SLC5A3: variants seen among roughly 807,000 people sequenced by gnomAD.
The protein encoded by SLC5A3 is sodium/myo-inositol cotransporter.
In SLC5A3, 10 loss-of-function variants were observed where a neutral mutation model predicts 43.2. That is an observed-to-expected ratio of 0.23 (90% confidence interval 0.14 to 0.39). The LOEUF is 0.39. Among genes scored for constraint, SLC5A3 ranks in the 10% least tolerant of loss-of-function variants. The probability of loss-of-function intolerance (pLI) is 1.00; values close to 1 mark genes in which losing one functional copy is unlikely to be tolerated. For missense variants in SLC5A3, 608 were observed against 893.4 expected, an observed-to-expected ratio of 0.68 and a Z score of 4.07; for synonymous variants, 349 against 322.0, an observed-to-expected ratio of 1.08 and a Z score of -0.90.
At position 34,101,868 on chromosome 21, in the gene SLC5A3, A is replaced by G. The variant is rs1387175581; in HGVS notation, c.*4513A>G. The G allele has an allele frequency of 1.0e-6, 1 of 999,994 alleles. No homozygotes were observed. The highest frequency in any genetic ancestry group is 1.7e-5 in the African/African-American group (1 of 57,208). The allele number at this position is 999,994 out of a possible 1,614,324, so 61.9% of individuals were successfully genotyped here. ...TTTTATTCTCAAAACTCCTTTTTCA[A>G]AAATTAGGGAGAGAGCAGTAGTGAT... is the stretch of plus-strand genomic sequence containing the variant. On this transcript the variant is annotated 3_prime_UTR_variant, in exon 2 of 2. Coordinates refer to ENST00000381151, the MANE Select transcript of SLC5A3 (RefSeq NM_006933.7).
chr21:34,085,600 C>CTTT (rs56135810), intron 1 of SLC5A3, among the ~76,000 whole-genome samples: 13 of 130,266 alleles, frequency 1.0e-4, no homozygotes, highest in African/African-American at 2.3e-4. Flanking sequence ...GAAATAAGGA[C>CTTT]TTTTTTTTTT....
chr21:34,095,255 G>A lies in SLC5A3; in HGVS notation c.57G>A (p.Leu19=), dbSNP rs760177734. ...DIAIVALYFI[L]VMCIGFFAMW... ...CCATAGTGGCCCTGTATTTTATCCTGGTCATGTGCATTGGTTTTTTTGCCA... is the reference window on the plus strand; with the variant it reads ...CCATAGTGGCCCTGTATTTTATCCTAGTCATGTGCATTGGTTTTTTTGCCA... Residue 19 remains leucine (L), a synonymous_variant, in exon 2 of 2, where the codon CTG becomes CTA. Coordinates refer to ENST00000381151, the MANE Select transcript of SLC5A3 (RefSeq NM_006933.7). 6.2e-7 allele frequency: 1 copy of A among 1,613,918 alleles called. No individual in the cohort carries two copies. Among genetic ancestry groups the A allele is most frequent in the Non-Finnish European group, 8.5e-7 (1 of 1,179,942 alleles).
At position 34,095,354 on chromosome 21, in the gene SLC5A3, T is replaced by C. The variant is rs1978919382; in HGVS notation, c.156T>C (p.Gly52=). The change falls in exon 2 of 2, where the codon GGT becomes GGC. Residue 52 remains glycine, a synonymous_variant. Coordinates refer to ENST00000381151, the MANE Select transcript of SLC5A3 (RefSeq NM_006933.7). ...AGRSMTWVAI[G]ASLFVSNIGS... ...GCTCTATGACCTGGGTAGCAATTGG[T>C]GCCTCTCTGTTTGTGAGCAATATTG... The C allele has an allele frequency of 6.2e-7, 1 of 1,614,018 alleles. No individual in the cohort carries two copies. The highest frequency in any genetic ancestry group is 8.5e-7 in the Non-Finnish European group (1 of 1,179,994).
In SLC5A3 at chr21:34,103,536, T is replaced by A. The variant is rs1428397015; in HGVS notation, c.*6181T>A. The A allele has an allele frequency of 1.3e-5, 13 of 1,000,150 alleles. No homozygotes were observed. Among genetic ancestry groups the A allele is most frequent in the African/African-American group, 1.7e-5 (1 of 57,366 alleles). 62.0% of individuals were successfully genotyped at this position (1,000,150 alleles called of 1,614,324 possible). A position where few individuals can be genotyped will look rare whatever the true frequency, so the allele number is the denominator to read the frequency against. ...CGAGAACAGGTACGTGACAACAGTT[T>A]ATATTCCATGATAGAAAGCTAAAGT... is the stretch of plus-strand genomic sequence containing the variant. On this transcript the variant is annotated 3_prime_UTR_variant, in exon 2 of 2. Coordinates refer to ENST00000381151, the MANE Select transcript of SLC5A3 (RefSeq NM_006933.7).
chr21:34,093,045 C>T (rs923483894), intron 1 of SLC5A3, among the ~76,000 whole-genome samples: 5 of 152,092 alleles, frequency 3.3e-5, no homozygotes, highest in East Asian at 1.9e-4. Context: ...AAACATTTAA[C>T]GATACCTTTT....
At chr21:34,089,991 T>A (rs749705945) in intron 1 of SLC5A3, among the ~76,000 whole-genome samples, 4 of 152,206 alleles carry the variant, frequency 2.6e-5, no homozygotes, top group Admixed American at 6.5e-5. Context: ...GCATATTACT[T>A]GGTGGCTGAG....
Position 34,098,611 on chromosome 21 carries a change from T to C in SLC5A3, c.*1256T>C, listed in dbSNP as rs1979082905. ...CTTTGCTGTTGTTAGGTTGTCAATA[T>C]AGTCTTTCTGTAGGATGGATAGCAT... On this transcript the variant is annotated 3_prime_UTR_variant, in exon 2 of 2. Coordinates refer to ENST00000381151, the MANE Select transcript of SLC5A3 (RefSeq NM_006933.7). 2 of 1,000,306 alleles carry C rather than the reference T, an allele frequency of 2.0e-6. No individual in the cohort carries two copies. Among genetic ancestry groups the C allele is most frequent in the Non-Finnish European group, 2.4e-6 (2 of 830,012 alleles). The allele number at this position is 1,000,306 out of a possible 1,614,324, so 62.0% of individuals were successfully genotyped here.
Position 34,100,772 on chromosome 21 carries a change from T to C in SLC5A3, c.*3417T>C. On this transcript the variant is annotated 3_prime_UTR_variant, in exon 2 of 2. Transcript: ENST00000381151. ...TATTCGCAGTCCATGGCTCATTTTC[T>C]TTATAGTAGGCATATGGATCTTCCC... 1 of 1,000,232 alleles carries C rather than the reference T, an allele frequency of 1.0e-6. No individual in the cohort carries two copies. Among genetic ancestry groups the C allele is most frequent in the Non-Finnish European group, 1.2e-6 (1 of 829,954 alleles). The allele number at this position is 1,000,232 out of a possible 1,614,324, so 62.0% of individuals were successfully genotyped here.
intron 1 of SLC5A3, among the ~76,000 whole-genome samples, chr21:34,089,002 TA>T (rs898150038): frequency 1.3e-5 from 2 of 152,176 alleles, no homozygotes; most frequent in Non-Finnish European, 2.9e-5. Flanking sequence ...GATTACATAG[TA>T]ATAGGCATTG....
intron 1 of SLC5A3, among the ~76,000 whole-genome samples, chr21:34,085,328 C>G (rs1475721277): frequency 6.6e-6 from 1 of 152,088 alleles, no homozygotes; most frequent in African/African-American, 2.4e-5. Flanking sequence ...ATAGGGATGT[C>G]AATGCATCAC....
Position 34,100,432 on chromosome 21 carries a change from T to C in SLC5A3, c.*3077T>C, listed in dbSNP as rs1602935532. The C allele has an allele frequency of 2.0e-6, 2 of 1,000,280 alleles. No individual in the cohort carries two copies. The highest frequency in any genetic ancestry group is 2.4e-6 in the Non-Finnish European group (2 of 829,994). 62.0% of individuals were successfully genotyped at this position (1,000,280 alleles called of 1,614,324 possible). A position where few individuals can be genotyped will look rare whatever the true frequency, so the allele number is the denominator to read the frequency against. ...AGCTATTCTTTCCTGGGGGTAATTA[T>C]GCTTTGTCTTTAGATTAGAGAAGCA... On this transcript the variant is annotated 3_prime_UTR_variant, in exon 2 of 2. Transcript: ENST00000381151.
chr21:34,092,837 T>G (rs1409445843), intron 1 of SLC5A3, among the ~76,000 whole-genome samples: 1 of 152,180 alleles, frequency 6.6e-6, no homozygotes. Context: ...AGCACGTGGT[T>G]GCTACTGCCA....
At chr21:34,075,086 A>G (rs536973138) in intron 1 of SLC5A3, among the ~76,000 whole-genome samples, 38 of 152,382 alleles carry the variant, frequency 2.5e-4, no homozygotes, top group African/African-American at 8.9e-4. Flanking sequence ...CCGAAAGGAT[A>G]GGAGCAGTGA....
In SLC5A3 at chr21:34,098,829, A is replaced by G; in HGVS notation, c.*1474A>G. 1 of 999,902 alleles carries G rather than the reference A, an allele frequency of 1.0e-6. No homozygotes were observed. Among genetic ancestry groups the G allele is most frequent in the Non-Finnish European group, 1.2e-6 (1 of 829,674 alleles). The allele number at this position is 999,902 out of a possible 1,614,324, so 61.9% of individuals were successfully genotyped here. On this transcript the variant is annotated 3_prime_UTR_variant, in exon 2 of 2. Transcript: ENST00000381151. ...ACTTCTGTGTCTTCGTATGCTCAAC[A>G]CTGTCCTTTGTCCTCCATGAAAGAT...
intron 1 of SLC5A3, among the ~76,000 whole-genome samples, chr21:34,081,220 A>G (rs369446914): frequency 6.6e-6 from 1 of 152,100 alleles, no homozygotes; most frequent in South Asian, 2.1e-4. Flanking sequence ...GAAATTGTAG[A>G]TAATGCCATC....
intron 1 of SLC5A3, among the ~76,000 whole-genome samples, chr21:34,093,576 C>T (rs1221915144): frequency 6.6e-6 from 1 of 151,442 alleles, no homozygotes; most frequent in East Asian, 1.9e-4. Context: ...AAGGAAAATG[C>T]CTAGAATCAT....
intron 1 of SLC5A3, among the ~76,000 whole-genome samples, chr21:34,081,138 C>A (rs919111335): frequency 6.6e-6 from 1 of 151,958 alleles, no homozygotes; most frequent in African/African-American, 2.4e-5. Flanking sequence ...AGAAAAATAA[C>A]TAGGAGGATT....
rs1275612496 is a variant in SLC5A3 at position 34,101,949 on chromosome 21, T to C, written c.*4594T>C. ...GTCAGAGTGCAGAGAAACAATGGAGTTTTGATGCCAAAAAGGTTTTTTTGC... is the reference window on the plus strand; with the variant it reads ...GTCAGAGTGCAGAGAAACAATGGAGCTTTGATGCCAAAAAGGTTTTTTTGC... On this transcript the variant is annotated 3_prime_UTR_variant, in exon 2 of 2. Transcript: ENST00000381151. The C allele has an allele frequency of 1.0e-6, 1 of 999,964 alleles. No individual in the cohort carries two copies. The allele number at this position is 999,964 out of a possible 1,614,324, so 61.9% of individuals were successfully genotyped here.
Position 34,102,269 on chromosome 21 carries a change from AGTC to A in SLC5A3, c.*4915_*4917del, listed in dbSNP as rs1389368739. 1.0e-6 allele frequency: 1 copy of A among 999,664 alleles called. No individual in the cohort carries two copies. Among genetic ancestry groups the A allele is most frequent in the African/African-American group, 1.7e-5 (1 of 57,234 alleles). The allele number at this position is 999,664 out of a possible 1,614,324, so 61.9% of individuals were successfully genotyped here. On this transcript the variant is annotated 3_prime_UTR_variant, in exon 2 of 2. Coordinates refer to ENST00000381151, the MANE Select transcript of SLC5A3 (RefSeq NM_006933.7). Reference sequence around the variant, plus strand: ...AGTCCCACACCATTATTCACTTAGTAGTCATATAAATGTTTTTATTTAAACTTC... The same window carrying A: ...AGTCCCACACCATTATTCACTTAGTAATATAAATGTTTTTATTTAAACTTC...
Sources: gnomAD v4.1 joint callset for allele counts (sites outside exome capture counted in the v4.1 genomes callset) on GRCh38, gnomAD v4.1.1 for gene constraint, MANE v1.5 for transcripts, NCBI Gene and HGNC (gene_info 2026-07-23, HGNC 2026-07-21) for gene names.